The following ADAMTS3 variants were observed in gnomAD, a reference collection of about 807,000 sequenced individuals.
ADAMTS3 encodes the protein A disintegrin and metalloproteinase with thrombospondin motifs 3.
In ADAMTS3, 73 loss-of-function variants were observed where a neutral mutation model predicts 129.0. That is an observed-to-expected ratio of 0.57 (90% confidence interval 0.47 to 0.69). The LOEUF is 0.69. Ranked by LOEUF, ADAMTS3 falls within the 30% of genes least tolerant of loss-of-function variation. The pLI is 0.00. For missense variants in ADAMTS3, 1,457 were observed against 1,514.5 expected, an observed-to-expected ratio of 0.96 and a Z score of 0.63; for synonymous variants, 477 against 510.8, an observed-to-expected ratio of 0.93 and a Z score of 0.89.
chr4:72,540,578 A>G lies in ADAMTS3; in HGVS notation c.504+7900T>C, dbSNP rs369852381. ...TCCAGGGCATCTCAGAGGTCTTCACAGCAGCCCCTACCATCACACACCCGG... is the reference window on the plus strand; with the variant it reads ...TCCAGGGCATCTCAGAGGTCTTCACGGCAGCCCCTACCATCACACACCCGG... On this transcript the variant is annotated intron_variant, in intron 3 of 21. Transcript: ENST00000286657. Among the ~76,000 whole-genome samples the G allele has an allele frequency of 9.8e-5, 15 of 152,346 alleles. 1 individual carries two copies. In the East Asian group the frequency reaches 2.3e-3, roughly 24 times the overall value.
At chr4:72,445,586 T>A (rs1304660858) in intron 3 of ADAMTS3, among the ~76,000 whole-genome samples, 4 of 151,720 alleles carry the variant, frequency 2.6e-5, no homozygotes, top group Non-Finnish European at 3.0e-5. Flanking sequence ...AACAAAATGA[T>A]AAAATCTTAC....
intron 4 of ADAMTS3, among the ~76,000 whole-genome samples, chr4:72,360,984 AG>A (rs1188197666): frequency 1.3e-5 from 2 of 152,098 alleles, no homozygotes; most frequent in African/African-American, 2.4e-5. Flanking sequence ...ACTGCTCTAC[AG>A]TGCTCTTGGC....
In ADAMTS3 at chr4:72,309,452, A is replaced by G. The variant is rs750534895; in HGVS notation, c.2124T>C (p.Asp708=). The G allele has an allele frequency of 1.1e-5, 18 of 1,612,142 alleles. No homozygotes were observed. The highest frequency in any genetic ancestry group is 2.5e-6 in the Non-Finnish European group (3 of 1,178,726). The change falls in exon 15 of 22, where the codon GAT becomes GAC. Residue 708 remains aspartate (D), a synonymous_variant. Transcript: ENST00000286657. The part of the protein sequence containing the change: ...VEDKCGVCGG[D]NSHCRTVKGT... Reference sequence around the variant, plus strand: ...CCTTCACGGTTCGGCAGTGGGAATTATCTCCTCCACAGACACCACACTTAT... The same window carrying G: ...CCTTCACGGTTCGGCAGTGGGAATTGTCTCCTCCACAGACACCACACTTAT...
rs567322407 is a variant in ADAMTS3, at chr4:72,354,531, G to A, written c.662-14838C>T. 3.3e-5 allele frequency among the ~76,000 whole-genome samples: 5 copies of A among 152,042 alleles called. No homozygotes were observed. The South Asian group carries it at 1.0e-3, about 32-fold the overall frequency. ...GATCTTGTTCTCGCCTGCTGGCTGA[G>A]CATCACTTTAAGGCCCTTTGCTTTT... On this transcript the variant is annotated intron_variant, in intron 4 of 21. Transcript: ENST00000286657.
At chr4:72,430,244 T>C (rs11727604) in intron 3 of ADAMTS3, among the ~76,000 whole-genome samples, 107,912 of 151,868 alleles carry the variant, frequency 0.71, 38,555 homozygotes, top group South Asian at 0.8. Context: ...CACTTGCAAC[T>C]GAAAGAATGT....
chr4:72,410,873 T>C (rs1385432781), intron 4 of ADAMTS3, among the ~76,000 whole-genome samples: 1 of 152,144 alleles, frequency 6.6e-6, no homozygotes, highest in Non-Finnish European at 1.5e-5. Flanking sequence ...CATGATGAAG[T>C]AGACAAATTT....
At chr4:72,398,604 A>C (rs954355916) in intron 4 of ADAMTS3, among the ~76,000 whole-genome samples, 5 of 152,188 alleles carry the variant, frequency 3.3e-5, no homozygotes, top group South Asian at 2.1e-4. Flanking sequence ...TACATACATA[A>C]ATAAAAGTAT....
chr4:72,457,841 CTCT>C (rs1019953306), intron 3 of ADAMTS3, among the ~76,000 whole-genome samples: 34 of 144,194 alleles, frequency 2.4e-4, no homozygotes, highest in African/African-American at 8.2e-4. Flanking sequence ...CTTTCATACT[CTCT>C]TGTTTTGTTG....
chr4:72,527,085 G>A (rs1183886899), intron 3 of ADAMTS3, among the ~76,000 whole-genome samples: 1 of 151,954 alleles, frequency 6.6e-6, no homozygotes, highest in Non-Finnish European at 1.5e-5. Flanking sequence ...AACATCCATG[G>A]TAACTCAAAA....
chr4:72,526,089 C>A (rs1177892686), intron 3 of ADAMTS3, among the ~76,000 whole-genome samples: 1 of 152,218 alleles, frequency 6.6e-6, no homozygotes. Context: ...GGCTTCCCTA[C>A]ACCGGTGCCC....
intron 4 of ADAMTS3, among the ~76,000 whole-genome samples, chr4:72,341,557 T>C (rs1180400145): frequency 1.5e-4 from 23 of 152,280 alleles, no homozygotes; most frequent in Admixed American, 1.3e-3. Flanking sequence ...TGTACAAATA[T>C]AGGAAATTCA....
At chr4:72,547,703 A>G (rs1400006414) in intron 3 of ADAMTS3, among the ~76,000 whole-genome samples, 1 of 152,196 alleles carries the variant, frequency 6.6e-6, no homozygotes, top group African/African-American at 2.4e-5. Context: ...TAAAATAAAA[A>G]CTAATTACTA....
At chr4:72,297,720 A>C (rs969477895) in intron 18 of ADAMTS3, among the ~76,000 whole-genome samples, 1 of 152,138 alleles carries the variant, frequency 6.6e-6, no homozygotes, top group Non-Finnish European at 1.5e-5. Context: ...GCTCTGGGCA[A>C]TTATCTTCTG....
chr4:72,389,200 G>C (rs1395210614), intron 4 of ADAMTS3, among the ~76,000 whole-genome samples: 1 of 152,130 alleles, frequency 6.6e-6, no homozygotes, highest in Non-Finnish European at 1.5e-5. Flanking sequence ...AGGCCTTTCC[G>C]AGGATAACAG....
At chr4:72,447,502 C>A (rs964995896) in intron 3 of ADAMTS3, among the ~76,000 whole-genome samples, 1 of 151,654 alleles carries the variant, frequency 6.6e-6, no homozygotes, top group Non-Finnish European at 1.5e-5. Flanking sequence ...TCAATTACAA[C>A]AAAATTTGAG....
In ADAMTS3 at chr4:72,453,942, T is replaced by C. The variant is rs549275583; in HGVS notation, c.505-38971A>G. On this transcript the variant is annotated intron_variant, in intron 3 of 21. Transcript: ENST00000286657. Reference sequence around the variant, plus strand: ...TATGTATACATAGGGAGAAAGTGCATATGCACAAACTTTTTATCCAACAGT... The same window carrying C: ...TATGTATACATAGGGAGAAAGTGCACATGCACAAACTTTTTATCCAACAGT... Among the ~76,000 whole-genome samples the C allele has an allele frequency of 3.0e-4, 44 of 148,812 alleles. No homozygotes were observed. In the South Asian group the frequency reaches 7.3e-3, roughly 25 times the overall value.
intron 4 of ADAMTS3, among the ~76,000 whole-genome samples, chr4:72,403,043 G>A (rs1199785449): frequency 6.6e-6 from 1 of 152,076 alleles, no homozygotes; most frequent in Admixed American, 6.6e-5. Flanking sequence ...TAGTTTCTCT[G>A]CTGTATAACA....
intron 3 of ADAMTS3, among the ~76,000 whole-genome samples, chr4:72,491,222 G>A (rs1010082904): frequency 6.6e-6 from 1 of 151,606 alleles, no homozygotes; most frequent in Non-Finnish European, 1.5e-5. Context: ...TTTTGTTGTT[G>A]TTCATTCTTT....
At chr4:72,444,710 G>A (rs1003612715) in intron 3 of ADAMTS3, among the ~76,000 whole-genome samples, 1 of 151,720 alleles carries the variant, frequency 6.6e-6, no homozygotes, top group Non-Finnish European at 1.5e-5. Context: ...GACATTGCAA[G>A]TTATAAGGAA....
Sources: allele counts gnomAD v4.1 joint callset (sites outside exome capture counted in the v4.1 genomes callset), GRCh38; gene constraint gnomAD v4.1.1; transcripts MANE v1.5; gene names NCBI Gene and HGNC (gene_info 2026-07-23, HGNC 2026-07-21).